The following HS3ST4 variants were observed in gnomAD, a reference collection of about 807,000 sequenced individuals.
The protein encoded by HS3ST4 is heparan sulfate glucosamine 3-O-sulfotransferase 4.
Under a neutral mutation model 29.2 loss-of-function variants are expected in HS3ST4, and 17 were observed. The observed-to-expected ratio is 0.58, with a 90% CI of 0.40 to 0.87. HS3ST4 has a LOEUF of 0.87. Among genes scored for constraint, HS3ST4 ranks in the 40% least tolerant of loss-of-function variants. The pLI, the probability that HS3ST4 is intolerant of heterozygous loss-of-function variation, is 0.00. For synonymous variants in HS3ST4, 314 were observed against 285.7 expected, an observed-to-expected ratio of 1.10 and a Z score of -1.00; for missense variants, 627 against 634.5, an observed-to-expected ratio of 0.99 and a Z score of 0.13.
intron 1 of HS3ST4, among the ~76,000 whole-genome samples, chr16:25,725,033 C>CTT (rs5816321): frequency 7.5e-6 from 1 of 132,680 alleles, no homozygotes; most frequent in Non-Finnish European, 1.6e-5. Context: ...CTTCCTCCCT[C>CTT]TTTTTTTTTT....
chr16:26,092,671 A>G (rs1898871183), intron 1 of HS3ST4, among the ~76,000 whole-genome samples: 1 of 152,164 alleles, frequency 6.6e-6, no homozygotes, highest in Non-Finnish European at 1.5e-5. Flanking sequence ...TCCCAGTGTG[A>G]TTGATGCAGA....
intron 1 of HS3ST4, among the ~76,000 whole-genome samples, chr16:25,920,596 G>C (rs1159741681): frequency 6.8e-5 from 8 of 117,576 alleles, no homozygotes; most frequent in Admixed American, 2.5e-4. Context: ...CCTCACTGCC[G>C]CCCCCACCCC....
chr16:25,806,084 GT>G (rs1378977345), intron 1 of HS3ST4, among the ~76,000 whole-genome samples: 13 of 152,148 alleles, frequency 8.5e-5, no homozygotes, highest in Middle Eastern at 6.8e-3. Context: ...TGTGTACCAT[GT>G]TTTCTTTATC....
intron 1 of HS3ST4, among the ~76,000 whole-genome samples, chr16:25,958,524 T>A (rs1472016694): frequency 6.6e-6 from 1 of 152,034 alleles, no homozygotes; most frequent in Non-Finnish European, 1.5e-5. Context: ...AGAGACGGGG[T>A]TTCACCATGT....
chr16:26,082,533 T>C (rs1430566940), intron 1 of HS3ST4, among the ~76,000 whole-genome samples: 1 of 152,216 alleles, frequency 6.6e-6, no homozygotes, highest in African/African-American at 2.4e-5. Context: ...TATGTCCTCA[T>C]TTGTAAATAA....
chr16:25,796,822 G>T (rs1461137964), intron 1 of HS3ST4, among the ~76,000 whole-genome samples: 1 of 152,188 alleles, frequency 6.6e-6, no homozygotes. Context: ...TAAGGGGCGG[G>T]TTATTCAGAA....
intron 1 of HS3ST4, chr16:25,933,440 G>A: frequency 2.0e-6 from 1 of 506,484 alleles, no homozygotes. Context: ...GTTTAGCACT[G>A]CTGAAAAATC....
intron 1 of HS3ST4, among the ~76,000 whole-genome samples, chr16:25,985,285 G>T (rs1596635729): frequency 6.6e-6 from 1 of 152,176 alleles, no homozygotes; most frequent in African/African-American, 2.4e-5. Flanking sequence ...CAATGTGAAG[G>T]ATGAGTTTCA....
intron 1 of HS3ST4, 94 bp downstream of exon 1, chr16:25,693,245 C>T (rs545671839): frequency 4.4e-6 from 6 of 1,349,158 alleles, no homozygotes; most frequent in East Asian, 5.7e-5. Flanking sequence ...ATCCAGGCAC[C>T]GTCCCGAGAG....
At chr16:25,850,390 C>G (rs1967506972) in intron 1 of HS3ST4, among the ~76,000 whole-genome samples, 1 of 152,140 alleles carries the variant, frequency 6.6e-6, no homozygotes, top group South Asian at 2.1e-4. Flanking sequence ...AAAACTCTAC[C>G]CAGTCTTTAA....
chr16:26,006,824 C>A (rs1238538675), intron 1 of HS3ST4, among the ~76,000 whole-genome samples: 1 of 152,354 alleles, frequency 6.6e-6, no homozygotes, highest in East Asian at 1.9e-4. Flanking sequence ...ATTCAGGCTC[C>A]TCTCATCCTC....
At chr16:25,832,830 G>A (rs891214478) in intron 1 of HS3ST4, among the ~76,000 whole-genome samples, 1 of 151,882 alleles carries the variant, frequency 6.6e-6, no homozygotes, top group South Asian at 2.1e-4. Context: ...CATTTATCTT[G>A]TCTGATAGCA....
chr16:25,905,011 C>T (rs1968165859), intron 1 of HS3ST4, among the ~76,000 whole-genome samples: 1 of 152,074 alleles, frequency 6.6e-6, no homozygotes, highest in Admixed American at 6.6e-5. Flanking sequence ...TGCTTTCTAC[C>T]TTTTAAGACC....
chr16:25,793,299 G>A (rs1412441304), intron 1 of HS3ST4, among the ~76,000 whole-genome samples: 8 of 151,778 alleles, frequency 5.3e-5, no homozygotes, highest in Admixed American at 6.6e-5. Context: ...GATAAACATC[G>A]TTAATCTTAT....
chr16:25,953,549 G>A (rs1968700955), intron 1 of HS3ST4, among the ~76,000 whole-genome samples: 1 of 152,158 alleles, frequency 6.6e-6, no homozygotes, highest in South Asian at 2.1e-4. Flanking sequence ...ATTCTTTAAA[G>A]GGAGGGGACC....
intron 1 of HS3ST4, among the ~76,000 whole-genome samples, chr16:25,951,211 C>T (rs1968681078): frequency 6.6e-6 from 1 of 152,194 alleles, no homozygotes; most frequent in Non-Finnish European, 1.5e-5. Flanking sequence ...CATGAGGCCC[C>T]AAGCAATGAA....
chr16:26,085,479 C>T (rs944732944), intron 1 of HS3ST4, among the ~76,000 whole-genome samples: 2 of 151,588 alleles, frequency 1.3e-5, no homozygotes, highest in East Asian at 1.9e-4. Flanking sequence ...TCTGCTAGTA[C>T]AGGAATTAGC....
chr16:25,697,224 G>T (rs1966304208), intron 1 of HS3ST4, among the ~76,000 whole-genome samples: 1 of 152,198 alleles, frequency 6.6e-6, no homozygotes, highest in South Asian at 2.1e-4. Flanking sequence ...TAACATTTTA[G>T]TGGGAGGGTT....
intron 1 of HS3ST4, among the ~76,000 whole-genome samples, chr16:25,839,741 A>G (rs1352413667): frequency 6.6e-6 from 1 of 152,204 alleles, no homozygotes; most frequent in African/African-American, 2.4e-5. Context: ...TAGGTCAGTC[A>G]TAAGAGGCTC....
Sources: gnomAD v4.1 joint callset for allele counts (sites outside exome capture counted in the v4.1 genomes callset) on GRCh38, gnomAD v4.1.1 for gene constraint, MANE v1.5 for transcripts, NCBI Gene and HGNC (gene_info 2026-07-23, HGNC 2026-07-21) for gene names.